The following CCDC93 variants were observed in gnomAD, a reference collection of about 807,000 sequenced individuals.
The protein encoded by CCDC93 is CCC complex scaffolding subunit CCDC93.
Under a neutral mutation model 108.2 loss-of-function variants are expected in CCDC93, and 61 were observed. That is an observed-to-expected ratio of 0.56 (90% confidence interval 0.46 to 0.70). The LOEUF (loss-of-function observed/expected upper bound fraction) is 0.70, where lower values mean the gene tolerates loss of function less well. Ranked by LOEUF, CCDC93 falls within the 30% of genes least tolerant of loss-of-function variation. CCDC93 has a pLI of 0.00. For synonymous variants in CCDC93, 276 were observed against 260.4 expected, an observed-to-expected ratio of 1.06 and a Z score of -0.58; for missense variants, 685 against 764.2, an observed-to-expected ratio of 0.90 and a Z score of 1.22.
rs544501575 is a variant in CCDC93, at chr2:117,982,420, A to G, written c.620+3549T>C. ...CTATAAGTCTTGTTTTCCTAACACC[A>G]TTAACACTTAGAAAAATATACCCAA... On this transcript the variant is annotated intron_variant, in intron 7 of 23. Coordinates refer to ENST00000376300, the MANE Select transcript of CCDC93 (RefSeq NM_019044.5). 4.5e-4 allele frequency among the ~76,000 whole-genome samples: 69 copies of G among 152,284 alleles called. No individual in the cohort carries two copies. The Middle Eastern group carries it at 0.017, about 38-fold the overall frequency.
At position 117,995,430 on chromosome 2, in the gene CCDC93, C is replaced by T. The variant is rs180842481; in HGVS notation, c.519+16G>A. The T allele has an allele frequency of 1.4e-4, 219 of 1,596,926 alleles. No homozygotes were observed. The highest frequency in any genetic ancestry group is 5.0e-4 in the Admixed American group (30 of 59,850). ...TACGCAGGACTCTGACAGAAGAATA[C>T]GGCCAGGGGACTTACTGAGAGGTCC... is the stretch of plus-strand genomic sequence containing the variant. On this transcript the variant is annotated intron_variant, in intron 6 of 23. Transcript: ENST00000376300.
chr2:117,966,477 T>C (rs1335639883), intron 11 of CCDC93, among the ~76,000 whole-genome samples: 2 of 152,206 alleles, frequency 1.3e-5, no homozygotes, highest in African/African-American at 4.8e-5. Context: ...CCCTTTTGCT[T>C]ATAGCAACAT....
intron 11 of CCDC93, among the ~76,000 whole-genome samples, chr2:117,969,403 C>G (rs2161827): frequency 0.97 from 148,159 of 152,344 alleles, 72,183 homozygotes; most frequent in Middle Eastern, 1. Context: ...CCTTGTAAGA[C>G]TCACAGAGGG....
intron 1 of CCDC93, among the ~76,000 whole-genome samples, chr2:118,010,292 T>G (rs1322372800): frequency 1.3e-5 from 2 of 152,188 alleles, no homozygotes; most frequent in Admixed American, 6.5e-5. Flanking sequence ...TTAATTTATA[T>G]CCTCCTTTTA....
chr2:117,982,814 T>C (rs1221690199), intron 7 of CCDC93, among the ~76,000 whole-genome samples: 1 of 151,208 alleles, frequency 6.6e-6, no homozygotes, highest in African/African-American at 2.4e-5. Context: ...AAAGGGAAGA[T>C]GGAGCAAAGT....
At chr2:117,978,825 T>C (rs1200513252) in intron 7 of CCDC93, among the ~76,000 whole-genome samples, 2 of 152,056 alleles carry the variant, frequency 1.3e-5, no homozygotes, top group Non-Finnish European at 2.9e-5. Context: ...CTGGCCAACA[T>C]GGTGAAACCC....
rs547602003 is a variant in CCDC93, at chr2:117,929,250, TAAAGTA to T, written c.1842+1781_1842+1786del. Among the ~76,000 whole-genome samples, 7 of 152,282 alleles carry T rather than the reference TAAAGTA, an allele frequency of 4.6e-5. No homozygotes were observed. In the South Asian group the frequency reaches 8.3e-4, roughly 18 times the overall value. On this transcript the variant is annotated intron_variant, in intron 23 of 23. Coordinates refer to ENST00000376300, the MANE Select transcript of CCDC93 (RefSeq NM_019044.5). ...CGTTGTGCACATGTACCCTAAAACT[TAAAGTA>T]TAATAAAAAAAAGAAATATGCAAAA... is the stretch of plus-strand genomic sequence containing the variant.
At chr2:117,983,928 A>G (rs1241104090) in intron 7 of CCDC93, among the ~76,000 whole-genome samples, 1 of 152,200 alleles carries the variant, frequency 6.6e-6, no homozygotes, top group Non-Finnish European at 1.5e-5. Context: ...ACCTAAAAAT[A>G]TACTCTCACT....
chr2:117,925,596 A>T (rs1172710896), intron 23 of CCDC93, among the ~76,000 whole-genome samples: 1 of 152,240 alleles, frequency 6.6e-6, no homozygotes, highest in Non-Finnish European at 1.5e-5. Context: ...TATGCACCCA[A>T]TACAGGAGCA....
rs1356003389 is a variant in CCDC93, at chr2:117,917,945, C to A, written c.*2398G>T. On this transcript the variant is annotated 3_prime_UTR_variant, in exon 24 of 24. Transcript: ENST00000376300. Reference sequence around the variant, plus strand: ...TCTCTCCTGGGGAAACCTGGTTCCTCCTGAAGCGCATATTTTGAAAAAGTA... The same window carrying A: ...TCTCTCCTGGGGAAACCTGGTTCCTACTGAAGCGCATATTTTGAAAAAGTA... 1 of 152,224 alleles carries A rather than the reference C, an allele frequency of 6.6e-6. No individual in the cohort carries two copies. The highest frequency in any genetic ancestry group is 2.4e-5 in the African/African-American group (1 of 41,444). The allele number at this position is 152,224 out of a possible 1,614,324, so 9.4% of individuals were successfully genotyped here. A position where few individuals can be genotyped will look rare whatever the true frequency, so the allele number is the denominator to read the frequency against.
Position 117,941,295 on chromosome 2 carries a change from A to C in CCDC93, c.1416T>G (p.Ala472=), listed in dbSNP as rs1678692175. The C allele has an allele frequency of 6.2e-7, 1 of 1,612,674 alleles. No individual in the cohort carries two copies. Among genetic ancestry groups the C allele is most frequent in the Admixed American group, 1.7e-5 (1 of 60,008 alleles). ...EKLYKIRLLQ[A]RRNREIAILH... ...AAATTGCTATTTCTCGATTTCTTCGAGCCTAAATGCAAAAGGGAGACAGAG... is the reference window on the plus strand; with the variant it reads ...AAATTGCTATTTCTCGATTTCTTCGCGCCTAAATGCAAAAGGGAGACAGAG... Residue 472 remains alanine, a splice_region_variant and synonymous_variant, in exon 19 of 24, where the codon GCT becomes GCG. Transcript: ENST00000376300.
chr2:117,989,838 C>T (rs1680424990), intron 6 of CCDC93, among the ~76,000 whole-genome samples: 1 of 152,104 alleles, frequency 6.6e-6, no homozygotes, highest in Non-Finnish European at 1.5e-5. Context: ...TTACTTAGTT[C>T]ACTACATTTA....
intron 1 of CCDC93, chr2:118,012,551 G>C (rs12479126): frequency 0.38 from 57,411 of 152,024 alleles, 11,412 homozygotes; most frequent in East Asian, 0.68. Context: ...AAAGTAGAAC[G>C]TGGGAGACCA....
intron 19 of CCDC93, 59 bp downstream of exon 19, chr2:117,941,130 C>A: frequency 1.6e-6 from 2 of 1,229,086 alleles, no homozygotes; most frequent in South Asian, 2.4e-5. Context: ...TAAAGTGGAA[C>A]AGACCCCTCG....
At chr2:117,928,774 G>C (rs971744838) in intron 23 of CCDC93, among the ~76,000 whole-genome samples, 1 of 152,148 alleles carries the variant, frequency 6.6e-6, no homozygotes, top group African/African-American at 2.4e-5. Flanking sequence ...ATACCCAAAG[G>C]ATTATAAATC....
At chr2:117,938,734 A>G (rs1028598809) in intron 20 of CCDC93, among the ~76,000 whole-genome samples, 1 of 152,240 alleles carries the variant, frequency 6.6e-6, no homozygotes, top group African/African-American at 2.4e-5. Context: ...CCCTTCCTTT[A>G]AATCTCAAAC....
intron 11 of CCDC93, among the ~76,000 whole-genome samples, chr2:117,971,094 G>A (rs947291159): frequency 1.3e-5 from 2 of 152,226 alleles, no homozygotes; most frequent in African/African-American, 4.8e-5. Context: ...CAGCCACAGT[G>A]GCTGAGACCT....
At chr2:117,978,377 T>C (rs1467228073) in intron 7 of CCDC93, among the ~76,000 whole-genome samples, 1 of 152,214 alleles carries the variant, frequency 6.6e-6, no homozygotes, top group Non-Finnish European at 1.5e-5. Flanking sequence ...TATAAACAAA[T>C]GTAAATGTGT....
intron 3 of CCDC93, among the ~76,000 whole-genome samples, chr2:118,001,422 AG>A (rs147171332): frequency 0.056 from 8,542 of 152,244 alleles, 291 homozygotes; most frequent in Non-Finnish European, 0.082. Flanking sequence ...TTTCCAAAAG[AG>A]ATTTGGAGTT....
Sources: allele counts gnomAD v4.1 joint callset (sites outside exome capture counted in the v4.1 genomes callset), GRCh38; gene constraint gnomAD v4.1.1; transcripts MANE v1.5; gene names NCBI Gene and HGNC (gene_info 2026-07-23, HGNC 2026-07-21).